A2ML1: variants seen among roughly 807,000 people sequenced by gnomAD.
A2ML1 encodes the protein alpha-2-macroglobulin-like protein 1.
A neutral mutation model predicts 181.9 loss-of-function variants in A2ML1; 161 were observed. The observed-to-expected ratio is 0.89, with a 90% CI of 0.78 to 1.01. The LOEUF is 1.01. Among genes scored for constraint, A2ML1 ranks in the 50% least tolerant of loss-of-function variants. The probability of loss-of-function intolerance (pLI) is 0.00; values close to 1 mark genes in which losing one functional copy is unlikely to be tolerated. For missense variants in A2ML1, 1,670 were observed against 1,768.1 expected (o/e 0.94, Z 1.00); for synonymous variants, 663 against 666.8 (o/e 0.99, Z 0.09).
chr12:8,855,631 C>A (rs766857561), intron 23 of A2ML1, 39 bp downstream of exon 23: 1 of 1,599,762 alleles, frequency 6.3e-7, no homozygotes, highest in Non-Finnish European at 8.6e-7. Flanking sequence ...AAGGAAAAGG[C>A]GAATGGAGGC....
At chr12:8,827,867 G>A (rs751659281) in intron 3 of A2ML1, among the ~76,000 whole-genome samples, 1 of 152,298 alleles carries the variant, frequency 6.6e-6, no homozygotes, top group Admixed American at 6.5e-5. Context: ...GCTCATAGAG[G>A]TACCTCCTTG....
intron 29 of A2ML1, among the ~76,000 whole-genome samples, chr12:8,865,454 G>A (rs970859266): frequency 2.6e-5 from 4 of 152,140 alleles, no homozygotes; most frequent in Non-Finnish European, 5.9e-5. Flanking sequence ...CAGGAGAATC[G>A]CTTGAACCCG....
chr12:8,837,423 A>G lies in A2ML1; in HGVS notation c.729-17A>G. The G allele has an allele frequency of 6.2e-7, 1 of 1,613,062 alleles. No homozygotes were observed. The highest frequency in any genetic ancestry group is 2.2e-5 in the East Asian group (1 of 44,822). ...TGGAATTTCCCAACTCTGACTCCTT[A>G]TGCTTTTCTTGGTTAGGTACACCTA... On this transcript the variant is annotated splice_polypyrimidine_tract_variant and intron_variant, in intron 7 of 35. Transcript: ENST00000299698.
At position 8,840,978 on chromosome 12, in the gene A2ML1, A is replaced by AGAAGGAAGGAAG. The variant is rs71045213; in HGVS notation, c.1081-368_1081-357dup. Among the ~76,000 whole-genome samples, 1,243 of 125,320 alleles carry AGAAGGAAGGAAG rather than the reference A, an allele frequency of 9.9e-3. 26 individuals are homozygous for AGAAGGAAGGAAG. Among genetic ancestry groups the AGAAGGAAGGAAG allele is most frequent in the African/African-American group, 0.037 (1,165 of 31,304 alleles). The allele number at this position is 125,320 out of a possible 152,430, so 82.2% of individuals were successfully genotyped here. A position where few individuals can be genotyped will look rare whatever the true frequency, so the allele number is the denominator to read the frequency against. ...AGGAAGGAAGGAAAGAAGGAAGGAA[A>AGAAGGAAGGAAG]GAAGGAAGGAAGGAAGGAAGGAAGG... On this transcript the variant is annotated intron_variant, in intron 10 of 35. Coordinates refer to ENST00000299698, the MANE Select transcript of A2ML1 (RefSeq NM_144670.6).
At chr12:8,874,378 A>T (rs764346111) in intron 33 of A2ML1, 47 bp from the exon 34 acceptor site, 1 of 1,443,718 alleles carries the variant, frequency 6.9e-7, no homozygotes. Flanking sequence ...ATACAGTGTA[A>T]TTTTCATTTT....
chr12:8,854,393 T>A, intron 21 of A2ML1, 144 bp downstream of exon 21: 2 of 1,320,864 alleles, frequency 1.5e-6, no homozygotes, highest in South Asian at 3.3e-5. Flanking sequence ...CCTTGAACAT[T>A]TGCCTAATCC....
intron 23 of A2ML1, 57 bp downstream of exon 23, chr12:8,855,649 G>A (rs1000231923): frequency 1.9e-6 from 3 of 1,555,928 alleles, no homozygotes; most frequent in African/African-American, 1.4e-5. Flanking sequence ...GGCTGCAAAG[G>A]TGTGGAGTGG....
intron 16 of A2ML1, 52 bp downstream of exon 16, chr12:8,848,966 G>T (rs1366037224): frequency 7.7e-6 from 12 of 1,558,260 alleles, no homozygotes; most frequent in South Asian, 1.2e-5. Context: ...GGTGGGAATG[G>T]GCAAAGGAAA....
chr12:8,845,132 T>C (rs1026100293), intron 12 of A2ML1: 2 of 1,478,414 alleles, frequency 1.4e-6, no homozygotes, highest in African/African-American at 2.8e-5. Context: ...TATAAGAAAA[T>C]AAAATTTGGA....
chr12:8,853,341 T>A lies in A2ML1; in HGVS notation c.2591-787T>A, dbSNP rs750413341. Among the ~76,000 whole-genome samples the A allele has an allele frequency of 6.6e-5, 10 of 152,374 alleles. No individual in the cohort carries two copies. In the East Asian group the frequency reaches 1.9e-3, roughly 29 times the overall value. ...CTATGGGATGTCAGTCACTCATAGA[T>A]TAAATCCTTGCAACTCAAAGTTTGA... is the stretch of plus-strand genomic sequence containing the variant. On this transcript the variant is annotated intron_variant, in intron 20 of 35. Transcript: ENST00000299698.
In A2ML1 at chr12:8,836,282, T is replaced by C. The variant is rs777100151; in HGVS notation, c.671T>C (p.Val224Ala). 1 of 1,613,976 alleles carries C rather than the reference T, an allele frequency of 6.2e-7. No homozygotes were observed. Among genetic ancestry groups the C allele is most frequent in the African/African-American group, 1.3e-5 (1 of 74,898 alleles). The part of the protein sequence containing the change: ...YVLPKFKVEV[V>A]EPKELSTVQE... ...CTGCCGAAGTTTAAGGTGGAAGTGG[T>C]GGAACCCAAGGAGTTATCAACGGTG... Residue 224 changes from valine (V) to alanine (A), a missense_variant, in exon 7 of 36, where the codon GTG becomes GCG. Transcript: ENST00000299698.
intron 4 of A2ML1, chr12:8,830,684 T>A (rs1168514037): frequency 6.6e-6 from 1 of 152,188 alleles, no homozygotes; most frequent in Non-Finnish European, 1.5e-5. Flanking sequence ...CCTGCTTTCT[T>A]CCTCTTCCGT....
intron 11 of A2ML1, among the ~76,000 whole-genome samples, chr12:8,842,433 A>G (rs770555510): frequency 3.3e-5 from 5 of 152,084 alleles, no homozygotes; most frequent in East Asian, 3.9e-4. Flanking sequence ...GTTAGCCAGG[A>G]TGGTCTCGAT....
chr12:8,843,699 T>C (rs756995465), intron 12 of A2ML1, among the ~76,000 whole-genome samples: 2 of 151,708 alleles, frequency 1.3e-5, no homozygotes, highest in Non-Finnish European at 2.9e-5. Context: ...ACATTTCAAG[T>C]ATTCAATATT....
At chr12:8,865,763 C>T (rs1944405668) in intron 29 of A2ML1, among the ~76,000 whole-genome samples, 1 of 151,934 alleles carries the variant, frequency 6.6e-6, no homozygotes, top group African/African-American at 2.4e-5. Flanking sequence ...ATGATAAACT[C>T]AAATCATAAA....
chr12:8,838,341 C>CAA lies in A2ML1; in HGVS notation c.864_865dup (p.Thr289LysfsTer55), dbSNP rs2136781131. 6.2e-7 allele frequency: 1 copy of CAA among 1,612,604 alleles called. No homozygotes were observed. The highest frequency in any genetic ancestry group is 2.2e-5 in the East Asian group (1 of 44,852). On this transcript the variant is annotated frameshift_variant, in exon 9 of 36. Transcript: ENST00000299698. LOFTEE classifies it high-confidence loss of function. ...GTCTCTGATCACCTCACTAGACTGACAAAACAGGATGTTTCTCAGCACCTG... is the reference window on the plus strand; with the variant it reads ...GTCTCTGATCACCTCACTAGACTGACAAAAAACAGGATGTTTCTCAGCACCTG...
intron 12 of A2ML1, chr12:8,845,200 G>C: frequency 6.5e-7 from 1 of 1,535,584 alleles, no homozygotes; most frequent in Non-Finnish European, 8.7e-7. Flanking sequence ...TATGCTGTCA[G>C]ACTCCTCCCA....
rs750546906 is a variant in A2ML1, at chr12:8,847,549, G to T, written c.1684G>T (p.Val562Phe). 1 of 1,606,536 alleles carries T rather than the reference G, an allele frequency of 6.2e-7. No homozygotes were observed. The highest frequency in any genetic ancestry group is 8.5e-7 in the Non-Finnish European group (1 of 1,177,160). The change falls in exon 15 of 36, where the codon GTT becomes TTT. Residue 562 changes from valine to phenylalanine, a missense_variant and splice_region_variant. Physicochemically the swap from Val to Phe is conservative, Grantham distance 50 (BLOSUM62 -1). Coordinates refer to ENST00000299698, the MANE Select transcript of A2ML1 (RefSeq NM_144670.6). ...CAAGTTATACCTTTCCCTTCCCCAG[G>T]TTTCCCTTGGCTTCTCCCCCTCCCA... ...FSVEMCFDNQ[V>F]SLGFSPSQQL... is the part of the protein sequence containing the mutation.
intron 33 of A2ML1, among the ~76,000 whole-genome samples, 175 bp from the exon 34 acceptor site, chr12:8,874,250 T>C (rs767178730): frequency 6.6e-6 from 1 of 152,212 alleles, no homozygotes; most frequent in East Asian, 1.9e-4. Flanking sequence ...TCCTGACCTC[T>C]GGTGATTCAC....
Sources: gnomAD v4.1 joint callset for allele counts (sites outside exome capture counted in the v4.1 genomes callset) on GRCh38, gnomAD v4.1.1 for gene constraint, MANE v1.5 for transcripts, NCBI Gene and HGNC (gene_info 2026-07-23, HGNC 2026-07-21) for gene names.